Variants in CIB2 observed in about 807,000 individuals in gnomAD.
The protein encoded by CIB2 is calcium and integrin binding family member 2.
Under a neutral mutation model 23.1 loss-of-function variants are expected in CIB2, and 19 were observed. The observed-to-expected ratio is 0.82, with a 90% CI of 0.57 to 1.21. The LOEUF is 1.21. CIB2 is among the 50% of genes most tolerant of loss of function. The pLI, the probability that CIB2 is intolerant of heterozygous loss-of-function variation, is 0.00. For synonymous variants in CIB2, 94 were observed against 91.7 expected (o/e 1.03, Z -0.14); for missense variants, 220 against 241.5 (o/e 0.91, Z 0.59).
intron 2 of CIB2, among the ~76,000 whole-genome samples, chr15:78,114,793 T>G: frequency 6.7e-6 from 1 of 148,242 alleles, no homozygotes; most frequent in East Asian, 2.0e-4. Context: ...AAAAAAAAAT[T>G]AAAAATTAGG....
chr15:78,129,190 T>G (rs1201880766), intron 1 of CIB2, among the ~76,000 whole-genome samples: 2 of 151,882 alleles, frequency 1.3e-5, no homozygotes, highest in Non-Finnish European at 2.9e-5. Context: ...GTGCTGTAAC[T>G]CAGGCTCACC....
chr15:78,124,466 G>A (rs1373045814), intron 1 of CIB2, among the ~76,000 whole-genome samples: 2 of 152,088 alleles, frequency 1.3e-5, no homozygotes, highest in Non-Finnish European at 2.9e-5. Flanking sequence ...AACTCATCTC[G>A]GAGGGGTCCT....
At chr15:78,109,200 C>CCCCATATTCAG in intron 4 of CIB2, 35 bp downstream of exon 4, 1 of 1,159,174 alleles carries the variant, frequency 8.6e-7, no homozygotes, top group South Asian at 1.3e-5. Context: ...GTTCCCCCAC[C>CCCCATATTCAG]GCATATTCAG....
intron 3 of CIB2, among the ~76,000 whole-genome samples, chr15:78,110,207 CA>C (rs1478925401): frequency 1.3e-5 from 2 of 152,264 alleles, no homozygotes; most frequent in African/African-American, 4.8e-5. Context: ...ACTCATCCTG[CA>C]GCCCTTCCAT....
intron 1 of CIB2, among the ~76,000 whole-genome samples, chr15:78,126,101 T>G (rs2141917331): frequency 6.6e-6 from 1 of 151,706 alleles, no homozygotes; most frequent in South Asian, 2.1e-4. Flanking sequence ...CCAGGAGGGC[T>G]GGGAATGGAA....
At chr15:78,109,492 G>A (rs755899618) in intron 3 of CIB2, 110 bp from the exon 4 acceptor site, 6 of 1,226,486 alleles carry the variant, frequency 4.9e-6, no homozygotes, top group Middle Eastern at 3.8e-4. Flanking sequence ...AAATCCCTCT[G>A]AGCCTCGGTT....
intron 2 of CIB2, chr15:78,120,816 A>T (rs1026874212): frequency 1.2e-6 from 1 of 858,140 alleles, no homozygotes; most frequent in Admixed American, 6.2e-5. Flanking sequence ...GTACGCAGGG[A>T]GCAGCTTACC....
chr15:78,123,674 C>A (rs778089226), intron 2 of CIB2, 31 bp downstream of exon 2: 1 of 1,613,700 alleles, frequency 6.2e-7, no homozygotes, highest in Non-Finnish European at 8.5e-7. Context: ...CAGTCCCAGT[C>A]CCAACAGGGT....
At chr15:78,109,200 C>CCGCG in intron 4 of CIB2, 35 bp downstream of exon 4, 1 of 1,159,164 alleles carries the variant, frequency 8.6e-7, no homozygotes, top group Non-Finnish European at 1.2e-6. Flanking sequence ...GTTCCCCCAC[C>CCGCG]GCATATTCAG....
At chr15:78,129,787 G>A (rs746558729) in intron 1 of CIB2, among the ~76,000 whole-genome samples, 3 of 152,172 alleles carry the variant, frequency 2.0e-5, no homozygotes, top group African/African-American at 4.8e-5. Context: ...GTCAAGATTC[G>A]AAATCCTGTG....
intron 1 of CIB2, among the ~76,000 whole-genome samples, chr15:78,127,391 G>C (rs1041039929): frequency 6.6e-6 from 1 of 152,184 alleles, no homozygotes; most frequent in African/African-American, 2.4e-5. Flanking sequence ...TGGGTCATGA[G>C]GAGTGGAAGG....
intron 2 of CIB2, among the ~76,000 whole-genome samples, chr15:78,111,966 C>T (rs1275635318): frequency 1.3e-5 from 2 of 152,158 alleles, no homozygotes; most frequent in African/African-American, 4.8e-5. Flanking sequence ...GAATGGGTCA[C>T]CCATAAACTC....
At chr15:78,122,137 C>T (rs2074328655) in intron 2 of CIB2, among the ~76,000 whole-genome samples, 1 of 152,164 alleles carries the variant, frequency 6.6e-6, no homozygotes, top group Non-Finnish European at 1.5e-5. Context: ...GGTCCAGGAA[C>T]CCAAGGAGCC....
At position 78,111,244 on chromosome 15, in the gene CIB2, T is replaced by C. The variant is rs2074154805; in HGVS notation, c.119A>G (p.Asn40Ser). The stretch of plus-strand genomic sequence containing the variant: ...CTTCCTGTAGTCCATTGGGACGAGG[T>C]TGGGGGCCAGCTCATAGAATCGCGA... The part of the protein sequence containing the change: ...LHSRFYELAP[N>S]LVPMDYRKSP... The change falls in exon 3 of 6, where the codon AAC (asparagine) becomes AGC (serine). Residue 40 changes from asparagine to serine, a missense_variant. Asn to Ser is a conservative substitution (Grantham distance 46). Coordinates refer to ENST00000258930, the MANE Select transcript of CIB2 (RefSeq NM_006383.4). 6.8e-6 allele frequency: 11 copies of C among 1,614,026 alleles called. No homozygotes were observed. Among genetic ancestry groups the C allele is most frequent in the Middle Eastern group, 1.6e-4 (1 of 6,062 alleles).
intron 1 of CIB2, among the ~76,000 whole-genome samples, chr15:78,125,451 C>T (rs1195768901): frequency 1.3e-5 from 2 of 152,130 alleles, no homozygotes; most frequent in African/African-American, 2.4e-5. Flanking sequence ...TCTCTCCTAT[C>T]CCATGTGTTG....
chr15:78,120,716 C>T (rs1168531787), intron 2 of CIB2: 7 of 985,492 alleles, frequency 7.1e-6, no homozygotes, highest in Admixed American at 6.2e-5. Flanking sequence ...ATCTGTGACT[C>T]GGTATCACTG....
chr15:78,126,691 C>T (rs1202126395), intron 1 of CIB2, among the ~76,000 whole-genome samples: 4 of 152,210 alleles, frequency 2.6e-5, no homozygotes, highest in African/African-American at 7.2e-5. Context: ...ACAGCAGTTA[C>T]GTTATTTCAG....
chr15:78,109,523 A>C (rs1410106229), intron 3 of CIB2, 141 bp from the exon 4 acceptor site: 1 of 878,974 alleles, frequency 1.1e-6, no homozygotes, highest in Non-Finnish European at 1.8e-6. Flanking sequence ...TAAAAAGGGA[A>C]TAATAATAAC....
intron 2 of CIB2, among the ~76,000 whole-genome samples, chr15:78,117,541 T>C (rs1332990412): frequency 3.3e-5 from 5 of 152,212 alleles, no homozygotes; most frequent in African/African-American, 4.8e-5. Flanking sequence ...AATCCACCAT[T>C]CATGCCTAGT....
Sources: allele counts gnomAD v4.1 joint callset (sites outside exome capture counted in the v4.1 genomes callset), GRCh38; gene constraint gnomAD v4.1.1; transcripts MANE v1.5; gene names NCBI Gene and HGNC (gene_info 2026-07-23, HGNC 2026-07-21).